SRBD1: variants seen among roughly 807,000 people sequenced by gnomAD.
SRBD1 encodes the protein S1 RNA-binding domain-containing protein 1.
In SRBD1, 88 loss-of-function variants were observed where a neutral mutation model predicts 115.3. The ratio of observed to expected loss-of-function variants is 0.76; its 90% CI spans 0.64 to 0.91. The LOEUF is 0.91. Among genes scored for constraint, SRBD1 ranks in the 40% least tolerant of loss-of-function variants. SRBD1 has a pLI of 0.00. For missense variants in SRBD1, 1,385 were observed against 1,177.4 expected, an observed-to-expected ratio of 1.18 and a Z score of -2.58; for synonymous variants, 509 against 407.7, an observed-to-expected ratio of 1.25 and a Z score of -2.99.
Position 45,483,603 on chromosome 2 carries a change from T to C in SRBD1, c.1966+4637A>G, listed in dbSNP as rs1389300873. On this transcript the variant is annotated intron_variant, in intron 15 of 20. Coordinates refer to ENST00000263736, the MANE Select transcript of SRBD1 (RefSeq NM_018079.5). ...AGTTTATTTGCTTAAAAGACTATACTGAACTGTACTCTCTTTAAAATTTGT... is the reference window on the plus strand; with the variant it reads ...AGTTTATTTGCTTAAAAGACTATACCGAACTGTACTCTCTTTAAAATTTGT... 2.0e-5 allele frequency among the ~76,000 whole-genome samples: 3 copies of C among 152,170 alleles called. No homozygotes were observed. The East Asian group carries it at 5.8e-4, about 29-fold the overall frequency.
At chr2:45,465,296 C>G (rs930091762) in intron 16 of SRBD1, among the ~76,000 whole-genome samples, 1 of 152,104 alleles carries the variant, frequency 6.6e-6, no homozygotes, top group Non-Finnish European at 1.5e-5. Context: ...TGTACATGTT[C>G]AGTACAGATG....
intron 14 of SRBD1, among the ~76,000 whole-genome samples, chr2:45,506,493 C>A (rs974821544): frequency 2.0e-5 from 3 of 152,112 alleles, no homozygotes; most frequent in African/African-American, 7.2e-5. Context: ...GGAGTTTCCT[C>A]CAGCTTTTTT....
At chr2:45,400,744 T>G (rs1182691306) in intron 19 of SRBD1, among the ~76,000 whole-genome samples, 1 of 152,076 alleles carries the variant, frequency 6.6e-6, no homozygotes, top group African/African-American at 2.4e-5. Context: ...ATTCTACATA[T>G]ATTAATTAAT....
Position 45,599,604 on chromosome 2 carries a change from A to G in SRBD1, c.493T>C (p.Cys165Arg). 2.5e-6 allele frequency: 4 copies of G among 1,614,174 alleles called. No individual in the cohort carries two copies. The highest frequency in any genetic ancestry group is 4.5e-5 in the East Asian group (2 of 44,882). The change falls in exon 4 of 21, where the codon TGC (cysteine) becomes CGC (arginine). Residue 165 changes from cysteine (C) to arginine (R), a missense_variant. Coordinates refer to ENST00000263736, the MANE Select transcript of SRBD1 (RefSeq NM_018079.5). The stretch of plus-strand genomic sequence containing the variant: ...TCATCGTCATTCTCTTCCTTCTTGC[A>G]TGTACCTCCCCACACAGTGCTTGTG... ...PSTSTVWGGT[C>R]KKEENDDDFT...
At chr2:45,601,875 G>A (rs1448518049) in intron 3 of SRBD1, 28 bp downstream of exon 3, 3 of 1,611,500 alleles carry the variant, frequency 1.9e-6, no homozygotes, top group Non-Finnish European at 2.5e-6. Flanking sequence ...ACACTACAGA[G>A]TTCCCTCTAT....
Position 45,601,976 on chromosome 2 carries a change from C to G in SRBD1, c.188G>C (p.Arg63Thr). 1.9e-6 allele frequency: 3 copies of G among 1,614,222 alleles called. No individual in the cohort carries two copies. The highest frequency in any genetic ancestry group is 2.5e-6 in the Non-Finnish European group (3 of 1,180,030). ...GGCATTCTTCTTCACCCGAGGCATC[C>G]TCTTTGGTTTGGATTCCTTGGGAGG... ...QPPPKESKPK[R>T]MPRVKKNAPQ... The change falls in exon 3 of 21, where the codon AGG becomes ACG. Residue 63 changes from arginine to threonine, a missense_variant. Coordinates refer to ENST00000263736, the MANE Select transcript of SRBD1 (RefSeq NM_018079.5).
chr2:45,495,538 T>C (rs1164649723), intron 14 of SRBD1, among the ~76,000 whole-genome samples: 1 of 152,050 alleles, frequency 6.6e-6, no homozygotes, highest in Non-Finnish European at 1.5e-5. Flanking sequence ...CTCTTTTATC[T>C]TTTTTCTCTA....
At chr2:45,455,375 T>C (rs543687406) in intron 16 of SRBD1, among the ~76,000 whole-genome samples, 10 of 152,046 alleles carry the variant, frequency 6.6e-5, no homozygotes, top group Non-Finnish European at 1.2e-4. Context: ...TATGTGATAG[T>C]AGATTTAGGA....
chr2:45,498,453 T>C (rs1670527334), intron 14 of SRBD1, among the ~76,000 whole-genome samples: 1 of 152,204 alleles, frequency 6.6e-6, no homozygotes, highest in Non-Finnish European at 1.5e-5. Flanking sequence ...TGGGGTACAT[T>C]GATAATTTGA....
chr2:45,431,833 G>GA (rs1252302053), intron 16 of SRBD1, among the ~76,000 whole-genome samples: 2 of 151,800 alleles, frequency 1.3e-5, no homozygotes, highest in Admixed American at 6.6e-5. Context: ...CATCCTACAA[G>GA]AAAAAAGGTC....
At chr2:45,414,462 TAGTGTGTATATAGTGTGTGTGTAC>T (rs1333533889) in intron 18 of SRBD1, among the ~76,000 whole-genome samples, 1,966 of 150,226 alleles carry the variant, frequency 0.013, 39 homozygotes, top group African/African-American at 0.038. Flanking sequence ...GTAGTATGTA[TAGTGTGTATATAGTGTGTGTGTAC>T]AGTGTGTATA....
rs1390518576 is a variant in SRBD1 at position 45,546,651 on chromosome 2, AGAGAAGGGAG to A, written c.1874+71_1874+80del. ...GGCAAAGAAGATGTACATCTTAAAA[AGAGAAGGGAG>A]GATTCATCACAAAAGCAACTTTAAA... On this transcript the variant is annotated intron_variant, in intron 14 of 20. Coordinates refer to ENST00000263736, the MANE Select transcript of SRBD1 (RefSeq NM_018079.5). The A allele has an allele frequency of 4.5e-6, 6 of 1,344,162 alleles. No individual in the cohort carries two copies. In the African/African-American group the frequency reaches 8.7e-5, roughly 19 times the overall value. 83.3% of individuals were successfully genotyped at this position (1,344,162 alleles called of 1,614,324 possible). A position where few individuals can be genotyped will look rare whatever the true frequency, so the allele number is the denominator to read the frequency against.
Position 45,413,282 on chromosome 2 carries a change from TCA to T in SRBD1, c.2343_2344del (p.Glu782AsnfsTer17). On this transcript the variant is annotated frameshift_variant, in exon 19 of 21. Coordinates refer to ENST00000263736, the MANE Select transcript of SRBD1 (RefSeq NM_018079.5). LOFTEE classifies it high-confidence loss of function. ...AACTCCTTGAATTTGGCCTGAAGTT[TCA>T]GTTTGCTGACTATATAAAACCAGAA... The T allele has an allele frequency of 6.2e-7, 1 of 1,613,156 alleles. No homozygotes were observed. Among genetic ancestry groups the T allele is most frequent in the Non-Finnish European group, 8.5e-7 (1 of 1,179,752 alleles).
chr2:45,458,323 C>T (rs554696489), intron 16 of SRBD1, among the ~76,000 whole-genome samples: 2 of 152,158 alleles, frequency 1.3e-5, no homozygotes, highest in African/African-American at 4.8e-5. Flanking sequence ...CAACAGAAGC[C>T]TCACCCTTTC....
intron 16 of SRBD1, among the ~76,000 whole-genome samples, chr2:45,454,081 G>A (rs1669080133): frequency 1.3e-5 from 2 of 151,950 alleles, no homozygotes; most frequent in African/African-American, 2.4e-5. Context: ...AGGAAAAAGC[G>A]TTATCTAGCA....
At chr2:45,530,761 C>G (rs1415993930) in intron 14 of SRBD1, among the ~76,000 whole-genome samples, 2 of 152,016 alleles carry the variant, frequency 1.3e-5, no homozygotes, top group African/African-American at 2.4e-5. Flanking sequence ...CTTCCAAATA[C>G]AGGGGCTGAA....
intron 16 of SRBD1, among the ~76,000 whole-genome samples, chr2:45,475,695 A>G (rs1669783793): frequency 6.6e-6 from 1 of 152,160 alleles, no homozygotes; most frequent in African/African-American, 2.4e-5. Flanking sequence ...CAAAACTGTT[A>G]TAGCTGTACT....
In SRBD1 at chr2:45,605,378, A is replaced by G. The variant is rs766682731; in HGVS notation, c.64T>C (p.Ser22Pro). 1 of 1,613,628 alleles carries G rather than the reference A, an allele frequency of 6.2e-7. No individual in the cohort carries two copies. Among genetic ancestry groups the G allele is most frequent in the Non-Finnish European group, 8.5e-7 (1 of 1,179,954 alleles). ...TATGCTTACAACTCAGAGAATGAAGAAAATTCATCTTTCAGTACCACATCC... is the reference window on the plus strand; with the variant it reads ...TATGCTTACAACTCAGAGAATGAAGGAAATTCATCTTTCAGTACCACATCC... ...VQDVVLKDEF[S>P]SFSELSSASE... is the part of the protein sequence containing the mutation. Residue 22 changes from serine (S) to proline (P), a missense_variant, in exon 2 of 21, where the codon TCT becomes CCT. Physicochemically the swap from Ser to Pro is moderately conservative, Grantham distance 74. Transcript: ENST00000263736.
intron 14 of SRBD1, among the ~76,000 whole-genome samples, chr2:45,541,293 G>A (rs897891722): frequency 2.0e-5 from 3 of 152,258 alleles, no homozygotes; most frequent in Non-Finnish European, 4.4e-5. Flanking sequence ...GAACCAGAGA[G>A]TCCCAAAGAG....
Sources: allele counts gnomAD v4.1 joint callset (sites outside exome capture counted in the v4.1 genomes callset), GRCh38; gene constraint gnomAD v4.1.1; transcripts MANE v1.5; gene names NCBI Gene and HGNC (gene_info 2026-07-23, HGNC 2026-07-21).